The following ABLIM2 variants were observed in gnomAD, a reference collection of about 807,000 sequenced individuals.
ABLIM2 encodes the protein actin-binding LIM protein 2.
ABLIM2 carries 53 observed loss-of-function variants against 97.7 expected under a neutral mutation model. The ratio of observed to expected loss-of-function variants is 0.54; its 90% CI spans 0.44 to 0.68. ABLIM2 has a LOEUF of 0.68. ABLIM2 is among the 30% of genes least tolerant of loss of function. The pLI, the probability that ABLIM2 is intolerant of heterozygous loss-of-function variation, is 0.00. For synonymous variants in ABLIM2, 361 were observed against 345.8 expected (o/e 1.04, Z -0.49); for missense variants, 835 against 867.2 (o/e 0.96, Z 0.47).
At chr4:8,089,510 G>A (rs1385019838) in intron 3 of ABLIM2, among the ~76,000 whole-genome samples, 2 of 152,100 alleles carry the variant, frequency 1.3e-5, no homozygotes, top group African/African-American at 2.4e-5. Context: ...TGAGGTGGGA[G>A]GATCACTTGA....
In ABLIM2 at chr4:8,009,743, C is replaced by A. The variant is rs535278107; in HGVS notation, c.1424-641G>T. Among the ~76,000 whole-genome samples, 33 of 152,344 alleles carry A rather than the reference C, an allele frequency of 2.2e-4. 1 individual carries two copies. The South Asian group carries it at 6.8e-3, about 32-fold the overall frequency. On this transcript the variant is annotated intron_variant, in intron 14 of 20. Transcript: ENST00000447017. ...CATTTTAAAAACCTCCCACGTAACA[C>A]AAGGTCTCAGTCGTGGAGGCCTACG...
chr4:8,046,985 AGGCC>A lies in ABLIM2; in HGVS notation c.823-1748_823-1745del, dbSNP rs1469740055. 1.3e-5 allele frequency among the ~76,000 whole-genome samples: 2 copies of A among 152,178 alleles called. No individual in the cohort carries two copies. Among genetic ancestry groups the A allele is most frequent in the Admixed American group, 1.3e-4 (2 of 15,278 alleles). On this transcript the variant is annotated intron_variant, in intron 8 of 20. Coordinates refer to ENST00000447017, the MANE Select transcript of ABLIM2 (RefSeq NM_001130083.2). The surrounding 1 kb of genome is among the most constrained non-coding windows in gnomAD (Gnocchi z 4.4). ...TGGGTTTCTGCTGTGCAGGCCACCCAGGCCGGGTGCCTTTATCGGGGAAGCCCCA... is the reference window on the plus strand; with the variant it reads ...TGGGTTTCTGCTGTGCAGGCCACCCAGGGTGCCTTTATCGGGGAAGCCCCA...
At chr4:8,096,222 C>T (rs999766837) in intron 3 of ABLIM2, among the ~76,000 whole-genome samples, 7 of 152,222 alleles carry the variant, frequency 4.6e-5, no homozygotes, top group African/African-American at 1.7e-4. Context: ...ATGGTTGTTT[C>T]ATACATTTTG....
intron 1 of ABLIM2, among the ~76,000 whole-genome samples, chr4:8,115,776 C>T (rs573003612): frequency 6.6e-6 from 1 of 152,320 alleles, no homozygotes; most frequent in Admixed American, 6.5e-5. Context: ...CCTGGGTGGA[C>T]CTCTGCAACT....
At chr4:8,060,888 T>C in intron 7 of ABLIM2, 79 bp downstream of exon 7, 3 of 1,226,194 alleles carry the variant, frequency 2.4e-6, no homozygotes, top group Non-Finnish European at 3.5e-6. Context: ...ACCAACCTGT[T>C]CACACCCAGC....
chr4:8,116,255 C>T (rs1842727582), intron 1 of ABLIM2, among the ~76,000 whole-genome samples: 1 of 152,180 alleles, frequency 6.6e-6, no homozygotes, highest in African/African-American at 2.4e-5. Context: ...CAGTGATGGC[C>T]CCAGACATCA....
chr4:7,987,316 T>C (rs115113186), intron 17 of ABLIM2, among the ~76,000 whole-genome samples: 6,114 of 149,516 alleles, frequency 0.041, 238 homozygotes, highest in African/African-American at 0.1. Flanking sequence ...AGATATGGGG[T>C]CTTGCTGTGT....
chr4:8,046,515 C>T lies in ABLIM2; in HGVS notation c.823-1274G>A, dbSNP rs1260041506. Among the ~76,000 whole-genome samples the T allele has an allele frequency of 3.3e-5, 5 of 152,194 alleles. No individual in the cohort carries two copies. Among genetic ancestry groups the T allele is most frequent in the Non-Finnish European group, 5.9e-5 (4 of 68,038 alleles). ...GCCCTCACTCTCCCCACGGCCCCCA[C>T]GTCCTCTGCTGCTTCGATGGTTTCC... On this transcript the variant is annotated intron_variant, in intron 8 of 20. Coordinates refer to ENST00000447017, the MANE Select transcript of ABLIM2 (RefSeq NM_001130083.2). The surrounding 1 kb of genome is among the most constrained non-coding windows in gnomAD (Gnocchi z 4.4).
chr4:8,042,320 T>A (rs1264087935), intron 9 of ABLIM2, among the ~76,000 whole-genome samples: 1 of 152,194 alleles, frequency 6.6e-6, no homozygotes, highest in Non-Finnish European at 1.5e-5. Context: ...CTTTCCCTCA[T>A]TCTGTGCACA....
In ABLIM2 at chr4:8,045,252, A is replaced by G. The variant is rs774421319; in HGVS notation, c.823-11T>C. The G allele has an allele frequency of 7.4e-6, 12 of 1,611,220 alleles. No homozygotes were observed. ...GGAAGTTCTGGTTTCCTGAGAAAGG[A>G]GAGAGGAAGAGATTGAAGGCAGGTA... On this transcript the variant is annotated splice_polypyrimidine_tract_variant and intron_variant, in intron 8 of 20. Coordinates refer to ENST00000447017, the MANE Select transcript of ABLIM2 (RefSeq NM_001130083.2).
In ABLIM2 at chr4:8,023,285, T is replaced by C. The variant is rs1298897219; in HGVS notation, c.1268-2982A>G. 6.6e-6 allele frequency among the ~76,000 whole-genome samples: 1 copy of C among 152,192 alleles called. No individual in the cohort carries two copies. Among genetic ancestry groups the C allele is most frequent in the African/African-American group, 2.4e-5 (1 of 41,436 alleles). ...CACCTGATGTTCTTCCGCTCCAGGA[T>C]CCCACCCAGGAAACATGACGTTCTG... On this transcript the variant is annotated intron_variant, in intron 12 of 20. Coordinates refer to ENST00000447017, the MANE Select transcript of ABLIM2 (RefSeq NM_001130083.2). This position sits in a 1 kb window ranked among gnomAD's most constrained non-coding sequence, Gnocchi z 5.7.
At chr4:8,119,918 C>A (rs1042854203) in intron 1 of ABLIM2, among the ~76,000 whole-genome samples, 3 of 152,106 alleles carry the variant, frequency 2.0e-5, no homozygotes, top group Non-Finnish European at 4.4e-5. Flanking sequence ...CCGCTCAGAT[C>A]TGGGGTGCGT....
rs779834412 is a variant in ABLIM2, at chr4:8,027,849, C to G, written c.1177G>C (p.Val393Leu). The change falls in exon 12 of 21, where the codon GTG (valine) becomes CTG (leucine). Residue 393 changes from valine (V) to leucine (L), a missense_variant. Transcript: ENST00000447017. ...AGGCAGCTACTGGTACCCACACTCACAGTACCAGCTACGGGGTAACAGAGA... is the reference window on the plus strand; with the variant it reads ...AGGCAGCTACTGGTACCCACACTCAGAGTACCAGCTACGGGGTAACAGAGA... ...PQHYSRPAGT[V>L]SVGTSSCLSL... is the part of the protein sequence containing the mutation. The G allele has an allele frequency of 6.3e-7, 1 of 1,592,256 alleles. No individual in the cohort carries two copies. The highest frequency in any genetic ancestry group is 8.5e-7 in the Non-Finnish European group (1 of 1,170,216).
intron 18 of ABLIM2, among the ~76,000 whole-genome samples, 158 bp downstream of exon 18, chr4:7,984,681 G>C (rs574833109): frequency 1.3e-5 from 2 of 152,322 alleles, no homozygotes; most frequent in Non-Finnish European, 2.9e-5. Flanking sequence ...GGCCAGGAGA[G>C]GCAGGGAAAC....
At chr4:8,089,628 G>C (rs1577522750) in intron 3 of ABLIM2, among the ~76,000 whole-genome samples, 1 of 150,314 alleles carries the variant, frequency 6.7e-6, no homozygotes, top group Non-Finnish European at 1.5e-5. Flanking sequence ...CCAGCTACTT[G>C]AGAGGGTGAG....
chr4:7,982,102 T>A (rs929043089), intron 20 of ABLIM2, among the ~76,000 whole-genome samples: 1 of 131,322 alleles, frequency 7.6e-6, no homozygotes, highest in Admixed American at 7.4e-5. Flanking sequence ...AGCAGGAGAC[T>A]GAGCCACTGC....
intron 1 of ABLIM2, among the ~76,000 whole-genome samples, chr4:8,109,074 C>T (rs959699671): frequency 6.6e-6 from 1 of 152,258 alleles, no homozygotes; most frequent in African/African-American, 2.4e-5. Context: ...TGTCCCAGCT[C>T]ATCCCGTGGA....
chr4:8,142,400 G>A (rs1188126946), intron 1 of ABLIM2, among the ~76,000 whole-genome samples: 1 of 152,214 alleles, frequency 6.6e-6, no homozygotes, highest in Non-Finnish European at 1.5e-5. Flanking sequence ...CTGGCAGACT[G>A]CATTACGATG....
chr4:8,007,999 C>T (rs762951544), intron 16 of ABLIM2, 60 bp downstream of exon 16: 3 of 1,597,568 alleles, frequency 1.9e-6, no homozygotes, highest in Non-Finnish European at 2.6e-6. Flanking sequence ...AGTTCTGGGG[C>T]CTCTTTGCCG....
Sources: allele counts gnomAD v4.1 joint callset (sites outside exome capture counted in the v4.1 genomes callset), GRCh38; gene constraint gnomAD v4.1.1; non-coding constraint Gnocchi (gnomAD v3.1); transcripts MANE v1.5; gene names NCBI Gene and HGNC (gene_info 2026-07-23, HGNC 2026-07-21).